DPH6: variants seen among roughly 807,000 people sequenced by gnomAD.
DPH6 encodes diphthine--ammonia ligase.
Under a neutral mutation model 38.2 loss-of-function variants are expected in DPH6, and 33 were observed. That is an observed-to-expected ratio of 0.86 (90% CI 0.65 to 1.15). The LOEUF is 1.15. DPH6 is among the 50% of genes most tolerant of loss of function. The pLI is 0.00. For missense variants in DPH6, 325 were observed against 320.0 expected (o/e 1.02, Z -0.12); for synonymous variants, 108 against 103.0 (o/e 1.05, Z -0.30).
intron 3 of DPH6, among the ~76,000 whole-genome samples, chr15:35,231,684 A>G (rs999968523): frequency 1.3e-5 from 2 of 152,068 alleles, no homozygotes; most frequent in Admixed American, 1.3e-4. Flanking sequence ...TGAATAAGAG[A>G]TTTACTTGGC....
chr15:35,261,000 T>C lies in DPH6; in HGVS notation n.201-40418A>G, dbSNP rs1379214627. 7.2e-5 allele frequency among the ~76,000 whole-genome samples: 11 copies of C among 152,360 alleles called. No individual in the cohort carries two copies. In the South Asian group the frequency reaches 1.4e-3, roughly 20 times the overall value. ...AACACCTACCCATTCTTATAGTTAT[T>C]CATGTCTTGACTATTGATTTACATA... On this transcript the variant is annotated intron_variant and non_coding_transcript_variant, in intron 3 of 3. Coordinates refer to the DPH6 transcript ENST00000560386.
the DPH6 span, among the ~76,000 whole-genome samples, chr15:35,205,168 A>T: frequency 6.6e-6 from 1 of 152,010 alleles, no homozygotes; most frequent in Non-Finnish European, 1.5e-5. Context: ...AACAAAATAC[A>T]TGTAGAATAT....
At chr15:35,526,699 TGAG>T (rs2055008558) in intron 3 of DPH6, among the ~76,000 whole-genome samples, 1 of 152,180 alleles carries the variant, frequency 6.6e-6, no homozygotes, top group African/African-American at 2.4e-5. Flanking sequence ...AGTCCTTGCT[TGAG>T]GCTTTCTACA....
chr15:35,152,317 G>C, the DPH6 span, among the ~76,000 whole-genome samples: 1 of 151,994 alleles, frequency 6.6e-6, no homozygotes, highest in African/African-American at 2.4e-5. Flanking sequence ...TAGTAAGTTA[G>C]GAACCACTGC....
At chr15:35,326,310 C>G (rs1421758259), downstream of DPH6, among the ~76,000 whole-genome samples, 1 of 152,068 alleles carries the variant, frequency 6.6e-6, no homozygotes, top group Non-Finnish European at 1.5e-5. Flanking sequence ...ATATAACCAC[C>G]TATTAAAGCT....
intron 3 of DPH6, among the ~76,000 whole-genome samples, chr15:35,286,074 T>C (rs898045528): frequency 1.3e-5 from 2 of 151,992 alleles, no homozygotes; most frequent in African/African-American, 4.8e-5. Context: ...AAAACAAATA[T>C]AGTTTGCTTC....
intron 5 of DPH6, among the ~76,000 whole-genome samples, chr15:35,436,901 A>T (rs2053723630): frequency 6.6e-6 from 1 of 151,404 alleles, no homozygotes; most frequent in Non-Finnish European, 1.5e-5. Flanking sequence ...GCTTCTCCTT[A>T]GCATTTGGCT....
At position 35,532,952 on chromosome 15, in the gene DPH6, A is replaced by C. The variant is rs566405808; in HGVS notation, c.312+5322T>G. Among the ~76,000 whole-genome samples, 9 of 152,130 alleles carry C rather than the reference A, an allele frequency of 5.9e-5. No homozygotes were observed. In the South Asian group the frequency reaches 1.9e-3, roughly 32 times the overall value. On this transcript the variant is annotated intron_variant, in intron 3 of 8. Transcript: ENST00000256538. ...AACCCCGTCTCTACTAAAAAGACAA[A>C]AAAAATTAGCCAGGTGTGATTGCGG...
At chr15:35,282,735 A>G in intron 3 of DPH6, 1 of 353,382 alleles carries the variant, frequency 2.8e-6, no homozygotes, top group East Asian at 6.7e-5. Flanking sequence ...CAGCAGTTCC[A>G]GGGGAAAGCT....
chr15:35,189,215 C>T, the DPH6 span, among the ~76,000 whole-genome samples: 2 of 152,114 alleles, frequency 1.3e-5, no homozygotes, highest in African/African-American at 2.4e-5. Flanking sequence ...CATGTTTGTA[C>T]CACAAAGGTA....
At chr15:35,155,370 CT>C in the DPH6 span, among the ~76,000 whole-genome samples, 1 of 152,192 alleles carries the variant, frequency 6.6e-6, no homozygotes, top group Admixed American at 6.6e-5. Flanking sequence ...CATAACAACT[CT>C]ATGAAGCAGG....
chr15:35,487,917 G>A (rs2054426552), intron 3 of DPH6, among the ~76,000 whole-genome samples: 1 of 152,126 alleles, frequency 6.6e-6, no homozygotes, highest in African/African-American at 2.4e-5. Context: ...GAAACAGCCA[G>A]GTCACATCTT....
intron 3 of DPH6, among the ~76,000 whole-genome samples, chr15:35,345,394 C>A (rs572306964): frequency 6.6e-6 from 1 of 151,874 alleles, no homozygotes; most frequent in South Asian, 2.1e-4. Flanking sequence ...TGAATACAAG[C>A]AGTCATTTCC....
intron 5 of DPH6, among the ~76,000 whole-genome samples, chr15:35,423,354 T>C (rs759110401): frequency 1.3e-5 from 2 of 151,886 alleles, no homozygotes; most frequent in African/African-American, 4.8e-5. Flanking sequence ...TTTGGAGAAA[T>C]GTCCATTCAA....
chr15:35,225,458 A>T (rs944250390), intron 3 of DPH6, among the ~76,000 whole-genome samples: 2 of 152,218 alleles, frequency 1.3e-5, no homozygotes, highest in African/African-American at 4.8e-5. Context: ...AAAGTTATGT[A>T]TATGGTTTTT....
At chr15:35,186,157 A>G in the DPH6 span, among the ~76,000 whole-genome samples, 1 of 152,150 alleles carries the variant, frequency 6.6e-6, no homozygotes, top group African/African-American at 2.4e-5. Context: ...ATACCCTACT[A>G]TAACATATTT....
At chr15:35,501,177 C>T (rs2054622282) in intron 3 of DPH6, among the ~76,000 whole-genome samples, 1 of 151,968 alleles carries the variant, frequency 6.6e-6, no homozygotes, top group African/African-American at 2.4e-5. Flanking sequence ...AATATATTTC[C>T]CCTAATATCA....
chr15:35,321,880 G>A (rs1566869258), intron 3 of DPH6, among the ~76,000 whole-genome samples: 1 of 152,028 alleles, frequency 6.6e-6, no homozygotes, highest in South Asian at 2.1e-4. Context: ...TTTAACTGAC[G>A]GGAACCTCGC....
rs140093167 is a variant in DPH6, at chr15:35,396,867, TTCTG to T, written c.567+13964_567+13967del. ...ACTCTGCAGGGAACAAGTCTTAAAA[TTCTG>T]TCTTTCTCACCCACAACATCAAATC... On this transcript the variant is annotated intron_variant, in intron 6 of 8. Transcript: ENST00000256538. 5.3e-3 allele frequency among the ~76,000 whole-genome samples: 805 copies of T among 152,316 alleles called. 8 individuals carry two copies. The highest frequency in any genetic ancestry group is 0.019 in the African/African-American group (777 of 41,580).
Sources: allele counts gnomAD v4.1 joint callset (sites outside exome capture counted in the v4.1 genomes callset), GRCh38; gene constraint gnomAD v4.1.1; transcripts MANE v1.5; gene names NCBI Gene and HGNC (gene_info 2026-07-23, HGNC 2026-07-21).